KANSL1: variants seen among roughly 807,000 people sequenced by gnomAD.
KANSL1 encodes MLL1/MLL complex subunit KANSL1.
In KANSL1, 22 loss-of-function variants were observed where a neutral mutation model predicts 103.6. The ratio of observed to expected loss-of-function variants is 0.21; its 90% confidence interval spans 0.15 to 0.30. The LOEUF (loss-of-function observed/expected upper bound fraction) is 0.30, where lower values mean the gene tolerates loss of function less well. Among genes scored for constraint, KANSL1 ranks in the 10% least tolerant of loss-of-function variants. The probability of loss-of-function intolerance (pLI) is 1.00; values close to 1 mark genes in which losing one functional copy is unlikely to be tolerated. For missense variants in KANSL1, 1,337 were observed against 1,399.8 expected, an observed-to-expected ratio of 0.96 and a Z score of 0.72; for synonymous variants, 600 against 527.6, an observed-to-expected ratio of 1.14 and a Z score of -1.88.
chr17:46,177,336 C>T (rs2046568869), intron 1 of KANSL1, among the ~76,000 whole-genome samples: 1 of 131,538 alleles, frequency 7.6e-6, no homozygotes, highest in Non-Finnish European at 1.8e-5. Context: ...ACCTAGTTTG[C>T]AATTAGCTAC....
chr17:46,083,860 G>A (rs1048526610), intron 3 of KANSL1, among the ~76,000 whole-genome samples: 4 of 152,052 alleles, frequency 2.6e-5, no homozygotes, highest in African/African-American at 4.8e-5. Context: ...TAGGCCATAC[G>A]ACAGACTCTT....
intron 2 of KANSL1, among the ~76,000 whole-genome samples, chr17:46,137,492 T>C (rs1437144661): frequency 6.6e-6 from 1 of 152,202 alleles, no homozygotes; most frequent in Non-Finnish European, 1.5e-5. Flanking sequence ...TCAATATCTA[T>C]TGAAAAATAC....
At chr17:46,124,805 G>A (rs575462464) in intron 2 of KANSL1, among the ~76,000 whole-genome samples, 4 of 151,960 alleles carry the variant, frequency 2.6e-5, no homozygotes, top group African/African-American at 9.7e-5. Flanking sequence ...ACCAGAATTA[G>A]AAATAGAGCC....
intron 2 of KANSL1, among the ~76,000 whole-genome samples, chr17:46,144,848 A>G (rs1338321022): frequency 6.6e-6 from 1 of 152,052 alleles, no homozygotes; most frequent in Non-Finnish European, 1.5e-5. Flanking sequence ...TTACGACTAC[A>G]CCTTTTCCAC....
chr17:46,100,196 T>C (rs1300130909), intron 2 of KANSL1, among the ~76,000 whole-genome samples: 6 of 152,228 alleles, frequency 3.9e-5, no homozygotes, highest in Non-Finnish European at 8.8e-5. Context: ...TGAATGGTTT[T>C]TTGTTGTTTT....
intron 7 of KANSL1, chr17:46,041,387 A>AGCGG (rs879575000): frequency 6.6e-6 from 1 of 152,136 alleles, no homozygotes. Flanking sequence ...CACCATGGAT[A>AGCGG]GCGGTGTGAG....
chr17:46,132,262 T>C (rs17577954), intron 2 of KANSL1, among the ~76,000 whole-genome samples: 21,680 of 151,986 alleles, frequency 0.14, 2,126 homozygotes, highest in Non-Finnish European at 0.22. Context: ...CTTTCAACAA[T>C]TTACCCAACC....
chr17:46,032,196 A>G lies in KANSL1; in HGVS notation c.2941T>C (p.Ser981Pro), dbSNP rs1249553881. 2 of 1,607,602 alleles carry G rather than the reference A, an allele frequency of 1.2e-6. No individual in the cohort carries two copies. Among genetic ancestry groups the G allele is most frequent in the Non-Finnish European group, 1.7e-6 (2 of 1,175,644 alleles). Reference protein sequence around the residue: ...SPDVSSSHSLSEYSHGQSPRS... With the variant: ...SPDVSSSHSLPEYSHGQSPRS... ...GGGGACTGACCATGGGAGTATTCTG[A>G]CAAAGAGTGGCTACTGCTGACATCA... Residue 981 changes from serine to proline, a missense_variant, in exon 14 of 15, where the codon TCA (serine) becomes CCA (proline). Ser to Pro is a moderately conservative substitution (Grantham distance 74, BLOSUM62 -1). Transcript: ENST00000432791.
chr17:46,067,107 C>G (rs1285218159), intron 5 of KANSL1, among the ~76,000 whole-genome samples: 1 of 152,210 alleles, frequency 6.6e-6, no homozygotes, highest in African/African-American at 2.4e-5. Flanking sequence ...TCCTTAGAAT[C>G]AGTTCTATGA....
chr17:46,099,824 T>C (rs958624775), intron 2 of KANSL1, among the ~76,000 whole-genome samples: 1 of 152,266 alleles, frequency 6.6e-6, no homozygotes, highest in South Asian at 2.1e-4. Context: ...ATTTTGCTCA[T>C]TGCTTTTATA....
intron 1 of KANSL1, among the ~76,000 whole-genome samples, chr17:46,220,219 ATT>A (rs113260952): frequency 1.4e-5 from 2 of 146,036 alleles, no homozygotes; most frequent in African/African-American, 2.5e-5. Flanking sequence ...GTTCTTTAAA[ATT>A]TTTTTTTTTT....
Position 46,033,486 on chromosome 17 carries a change from T to A in KANSL1, c.2667-26A>T, listed in dbSNP as rs760027567. ...CTGCAAAACCAAGAACAGACAATCATGAGATGGCAAGCAGGCTAAAACTGG... is the reference window on the plus strand; with the variant it reads ...CTGCAAAACCAAGAACAGACAATCAAGAGATGGCAAGCAGGCTAAAACTGG... On this transcript the variant is annotated intron_variant, in intron 11 of 14. Transcript: ENST00000432791. 2.5e-6 allele frequency: 4 copies of A among 1,605,728 alleles called. No individual in the cohort carries two copies. The African/African-American group carries it at 4.0e-5, about 16-fold the overall frequency.
chr17:46,158,822 T>C (rs1365417835), intron 2 of KANSL1, among the ~76,000 whole-genome samples: 2 of 152,136 alleles, frequency 1.3e-5, no homozygotes, highest in East Asian at 1.9e-4. Flanking sequence ...ATTACAGGCA[T>C]AAGCCACCAC....
At chr17:46,138,473 C>T (rs891033713) in intron 2 of KANSL1, among the ~76,000 whole-genome samples, 5 of 152,210 alleles carry the variant, frequency 3.3e-5, no homozygotes, top group African/African-American at 4.8e-5. Context: ...ATAGGTTATA[C>T]ACAAATACTA....
Position 46,038,583 on chromosome 17 carries a change from G to A in KANSL1, c.2496C>T (p.Ser832=), listed in dbSNP as rs1568373490. 6.2e-7 allele frequency: 1 copy of A among 1,614,152 alleles called. No individual in the cohort carries two copies. The highest frequency in any genetic ancestry group is 1.1e-5 in the South Asian group (1 of 91,090). ...GTGAGCTAGAGCTGGCGGGTGCAGGGGAATCTGAGGAGGTGGAGAGCTGTC... is the reference window on the plus strand; with the variant it reads ...GTGAGCTAGAGCTGGCGGGTGCAGGAGAATCTGAGGAGGTGGAGAGCTGTC... ...LVRQLSTSSD[S]PAPASSSSQV... is the part of the protein sequence containing the mutation. The change falls in exon 10 of 15, where the codon TCC becomes TCT. Residue 832 remains serine, a synonymous_variant. Coordinates refer to ENST00000432791, the MANE Select transcript of KANSL1 (RefSeq NM_015443.4).
chr17:46,101,485 C>T (rs2042311308), intron 2 of KANSL1, among the ~76,000 whole-genome samples: 1 of 152,144 alleles, frequency 6.6e-6, no homozygotes, highest in Non-Finnish European at 1.5e-5. Flanking sequence ...GGCACGGTGG[C>T]TCAGGCCTGT....
At chr17:46,104,567 T>C (rs17576954) in intron 2 of KANSL1, among the ~76,000 whole-genome samples, 21,699 of 152,138 alleles carry the variant, frequency 0.14, 2,123 homozygotes, top group Non-Finnish European at 0.22. Context: ...ATGATGTCTG[T>C]GCACATGTAG....
rs1251643932 is a variant in KANSL1, at chr17:46,192,812, G to C, written c.-90+11C>G. 1 of 157,298 alleles carries C rather than the reference G, an allele frequency of 6.4e-6. No homozygotes were observed. The highest frequency in any genetic ancestry group is 1.4e-5 in the Non-Finnish European group (1 of 71,758). The allele number at this position is 157,298 out of a possible 1,614,324, so 9.7% of individuals were successfully genotyped here. On this transcript the variant is annotated intron_variant, in intron 1 of 14. Transcript: ENST00000432791. ...CAGGAGGAGGAGGAGAGGAGCAGCA[G>C]CAGCACCTACCACGTGATGGAGGAG...
chr17:46,061,768 G>A (rs1309215131), intron 6 of KANSL1, among the ~76,000 whole-genome samples: 1 of 152,046 alleles, frequency 6.6e-6, no homozygotes, highest in East Asian at 1.9e-4. Context: ...TCCACCTCCA[G>A]TCTCTTGTGC....
Sources: gnomAD v4.1 joint callset for allele counts (sites outside exome capture counted in the v4.1 genomes callset) on GRCh38, gnomAD v4.1.1 for gene constraint, MANE v1.5 for transcripts, NCBI Gene and HGNC (gene_info 2026-07-23, HGNC 2026-07-21) for gene names.